RPH3A: variants seen among roughly 807,000 people sequenced by gnomAD.
RPH3A encodes the protein rabphilin-3A.
Under a neutral mutation model 102.2 loss-of-function variants are expected in RPH3A, and 48 were observed. The observed-to-expected ratio is 0.47, with a 90% confidence interval of 0.37 to 0.60. The LOEUF is 0.60. Ranked by LOEUF, RPH3A falls within the 20% of genes least tolerant of loss-of-function variation. RPH3A has a pLI of 0.00. For synonymous variants in RPH3A, 310 were observed against 324.3 expected (o/e 0.96, Z 0.47); for missense variants, 781 against 910.1 (o/e 0.86, Z 1.83).
At chr12:112,594,383 C>T (rs1239230647) in intron 1 of RPH3A, among the ~76,000 whole-genome samples, 1 of 152,134 alleles carries the variant, frequency 6.6e-6, no homozygotes, top group African/African-American at 2.4e-5. Context: ...ATTTTAACTG[C>T]TCATTCCACC....
At chr12:112,839,223 TATC>T (rs1229423065) in intron 4 of RPH3A, among the ~76,000 whole-genome samples, 1 of 152,156 alleles carries the variant, frequency 6.6e-6, no homozygotes. Context: ...GCATTAAAAA[TATC>T]ATGGTAAACA....
chr12:112,720,739 A>G (rs533033195), intron 1 of RPH3A, among the ~76,000 whole-genome samples: 3 of 152,344 alleles, frequency 2.0e-5, no homozygotes, highest in South Asian at 4.1e-4. Flanking sequence ...GTGCAAGCAT[A>G]TTCCAATCCT....
intron 5 of RPH3A, 111 bp from the exon 6 acceptor site, chr12:112,865,303 G>T: frequency 7.9e-7 from 1 of 1,268,778 alleles, no homozygotes; most frequent in Non-Finnish European, 1.1e-6. Flanking sequence ...GTCATCAGAC[G>T]CACAACAGCG....
intron 1 of RPH3A, among the ~76,000 whole-genome samples, chr12:112,644,875 T>G (rs79366294): frequency 1.3e-5 from 2 of 152,046 alleles, no homozygotes; most frequent in Non-Finnish European, 2.9e-5. Context: ...GCTCATTACA[T>G]GGAAAGAAAC....
chr12:112,648,013 AT>A (rs1297576692), intron 1 of RPH3A, among the ~76,000 whole-genome samples: 1 of 152,214 alleles, frequency 6.6e-6, no homozygotes, highest in Non-Finnish European at 1.5e-5. Flanking sequence ...ACTATAAAAT[AT>A]ATTAAAAAAT....
At chr12:112,759,525 G>A (rs554865604) in intron 1 of RPH3A, among the ~76,000 whole-genome samples, 2 of 152,298 alleles carry the variant, frequency 1.3e-5, no homozygotes, top group East Asian at 3.9e-4. Context: ...GGACAGGAGA[G>A]TGAAGGACTT....
chr12:112,784,942 GCTGGGTGTGGTGGCTCACGC>G (rs1275605311), intron 1 of RPH3A, among the ~76,000 whole-genome samples: 3 of 152,254 alleles, frequency 2.0e-5, no homozygotes, highest in African/African-American at 7.2e-5. Context: ...TACAGCTGTG[GCTGGGTGTGGTGGCTCACGC>G]CTATAATCCC....
At chr12:112,764,673 CTGAGG>C (rs953016488) in intron 1 of RPH3A, among the ~76,000 whole-genome samples, 13 of 150,470 alleles carry the variant, frequency 8.6e-5, no homozygotes, top group African/African-American at 3.3e-4. Flanking sequence ...CTCTCTCTAC[CTGAGG>C]TATTATTATT....
At chr12:112,726,930 G>C (rs905342653) in intron 1 of RPH3A, among the ~76,000 whole-genome samples, 8 of 152,238 alleles carry the variant, frequency 5.3e-5, no homozygotes, top group African/African-American at 1.9e-4. Flanking sequence ...GGCTGAGGCA[G>C]GAGAATCACT....
At chr12:112,747,655 A>G (rs1468107176) in intron 1 of RPH3A, among the ~76,000 whole-genome samples, 2 of 152,086 alleles carry the variant, frequency 1.3e-5, no homozygotes, top group African/African-American at 4.8e-5. Context: ...ATCTCCCTCG[A>G]TCTGGGTCTG....
At chr12:112,809,453 C>T (rs1713829209) in intron 2 of RPH3A, among the ~76,000 whole-genome samples, 1 of 152,028 alleles carries the variant, frequency 6.6e-6, no homozygotes, top group African/African-American at 2.4e-5. Context: ...ACATGAAGCA[C>T]TAAGGGCAGA....
chr12:112,859,426 A>G (rs2042470641), intron 5 of RPH3A, among the ~76,000 whole-genome samples: 1 of 152,248 alleles, frequency 6.6e-6, no homozygotes. Flanking sequence ...AAGAAAGTAT[A>G]GAGGAGTCCA....
intron 1 of RPH3A, among the ~76,000 whole-genome samples, chr12:112,780,799 C>T (rs533515599): frequency 5.3e-5 from 8 of 152,248 alleles, no homozygotes; most frequent in Admixed American, 2.6e-4. Context: ...CAAGGAGACG[C>T]GATTTTGTGT....
chr12:112,756,396 G>A (rs1482837415), intron 1 of RPH3A, among the ~76,000 whole-genome samples: 1 of 152,158 alleles, frequency 6.6e-6, no homozygotes, highest in Non-Finnish European at 1.5e-5. Context: ...ATTTTTGGTA[G>A]AGACAGGGTT....
chr12:112,853,538 T>C (rs2042358494), intron 5 of RPH3A, among the ~76,000 whole-genome samples: 1 of 152,030 alleles, frequency 6.6e-6, no homozygotes, highest in Admixed American at 6.6e-5. Context: ...TTGTATAAGG[T>C]GAAAATATGG....
At chr12:112,763,328 G>A (rs1379204688) in intron 1 of RPH3A, among the ~76,000 whole-genome samples, 2 of 152,238 alleles carry the variant, frequency 1.3e-5, no homozygotes, top group Non-Finnish European at 2.9e-5. Context: ...AGTGACCAAT[G>A]TCCCATGACA....
chr12:112,723,184 C>A (rs746770589), intron 1 of RPH3A, among the ~76,000 whole-genome samples: 4 of 152,074 alleles, frequency 2.6e-5, no homozygotes, highest in African/African-American at 4.8e-5. Context: ...CCTGTACAGT[C>A]AAAAATGTGT....
intron 1 of RPH3A, among the ~76,000 whole-genome samples, chr12:112,595,080 A>T (rs1467743239): frequency 6.6e-6 from 1 of 152,172 alleles, no homozygotes; most frequent in African/African-American, 2.4e-5. Context: ...CCATTTCCAC[A>T]CTTACTGGCT....
At chr12:112,697,830 A>G (rs2040363199) in intron 1 of RPH3A, among the ~76,000 whole-genome samples, 1 of 152,138 alleles carries the variant, frequency 6.6e-6, no homozygotes, top group Non-Finnish European at 1.5e-5. Context: ...ATGGCACTGC[A>G]CTGCAGCCTG....
Sources: allele counts gnomAD v4.1 joint callset (sites outside exome capture counted in the v4.1 genomes callset), GRCh38; gene constraint gnomAD v4.1.1; transcripts MANE v1.5; gene names NCBI Gene and HGNC (gene_info 2026-07-23, HGNC 2026-07-21).